LAMB1: variants seen among roughly 807,000 people sequenced by gnomAD.
LAMB1 encodes laminin subunit beta-1.
Under a neutral mutation model 222.3 loss-of-function variants are expected in LAMB1, and 121 were observed. The observed-to-expected ratio is 0.54, with a 90% confidence interval of 0.47 to 0.63. LAMB1 has a LOEUF of 0.63. LAMB1 is among the 30% of genes least tolerant of loss of function. The pLI is 0.00. For synonymous variants in LAMB1, 794 were observed against 807.2 expected (o/e 0.98, Z 0.28); for missense variants, 2,172 against 2,240.8 (o/e 0.97, Z 0.62).
intron 32 of LAMB1, among the ~76,000 whole-genome samples, chr7:107,925,290 G>GGGCAGGCAAGTA (rs2032534056): frequency 6.6e-6 from 1 of 152,118 alleles, no homozygotes; most frequent in Non-Finnish European, 1.5e-5. Context: ...GGAACTGGGT[G>GGGCAGGCAAGTA]GGCAGGCAAG....
In LAMB1 at chr7:107,932,387, G is replaced by A; in HGVS notation, c.4189-10C>T. On this transcript the variant is annotated splice_polypyrimidine_tract_variant and intron_variant, in intron 27 of 33. Transcript: ENST00000222399. ...GGGGTGTTCCACAGGTCTGCAACAAGCCAAGGATCAGGCACAATACTTCGG... is the reference window on the plus strand; with the variant it reads ...GGGGTGTTCCACAGGTCTGCAACAAACCAAGGATCAGGCACAATACTTCGG... The A allele has an allele frequency of 6.2e-7, 1 of 1,613,898 alleles. No individual in the cohort carries two copies. Among genetic ancestry groups the A allele is most frequent in the Non-Finnish European group, 8.5e-7 (1 of 1,179,758 alleles).
chr7:107,960,382 T>C, intron 18 of LAMB1, 63 bp downstream of exon 18: 1 of 1,307,016 alleles, frequency 7.7e-7, no homozygotes, highest in Non-Finnish European at 1.1e-6. Flanking sequence ...CCACTGTACT[T>C]CATGTGCCAG....
chr7:107,929,329 G>C (rs1390440954), intron 30 of LAMB1, 83 bp downstream of exon 30: 2 of 1,503,346 alleles, frequency 1.3e-6, no homozygotes, highest in African/African-American at 2.8e-5. Context: ...GTCCTTCTTA[G>C]AAGTTTCATT....
At chr7:107,948,503 G>T (rs746979501) in intron 24 of LAMB1, among the ~76,000 whole-genome samples, 10 of 152,158 alleles carry the variant, frequency 6.6e-5, no homozygotes, top group Admixed American at 1.3e-4. Context: ...TTTCACTTAT[G>T]CTCACTTGGA....
intron 3 of LAMB1, among the ~76,000 whole-genome samples, chr7:108,001,143 C>G (rs1043285204): frequency 2.0e-5 from 3 of 152,104 alleles, no homozygotes; most frequent in African/African-American, 7.2e-5. Flanking sequence ...CCTTGCAAGA[C>G]GCCTGTCATT....
intron 22 of LAMB1, 22 bp from the exon 23 acceptor site, chr7:107,952,245 A>G (rs1221206464): frequency 3.9e-6 from 6 of 1,550,178 alleles, no homozygotes; most frequent in Non-Finnish European, 5.3e-6. Flanking sequence ...CATCACATTT[A>G]CTTATTGTCA....
At chr7:107,948,783 T>G (rs1489903288) in intron 24 of LAMB1, among the ~76,000 whole-genome samples, 1 of 152,178 alleles carries the variant, frequency 6.6e-6, no homozygotes, top group African/African-American at 2.4e-5. Flanking sequence ...CTATGGGACC[T>G]CTTCATCTGT....
intron 24 of LAMB1, among the ~76,000 whole-genome samples, chr7:107,949,132 CAG>C (rs1435743543): frequency 6.6e-6 from 1 of 152,206 alleles, no homozygotes; most frequent in East Asian, 1.9e-4. Context: ...TCACTCTTTG[CAG>C]AGTTTCTAAA....
intron 5 of LAMB1, among the ~76,000 whole-genome samples, chr7:107,989,581 A>G (rs2034142628): frequency 6.6e-6 from 1 of 152,218 alleles, no homozygotes; most frequent in South Asian, 2.1e-4. Flanking sequence ...ACCCAGGAAT[A>G]TAAGAAAATG....
Position 107,960,466 on chromosome 7 carries a change from G to A in LAMB1, c.2293C>T (p.Leu765=). The A allele has an allele frequency of 1.2e-6, 2 of 1,614,014 alleles. No homozygotes were observed. The highest frequency in any genetic ancestry group is 1.3e-5 in the African/African-American group (1 of 75,032). ...CTACCCAGGCCTGTCTGGTGTAACAGGGCAGAAATGCTAAAGATGATGTTT... is the reference window on the plus strand; with the variant it reads ...CTACCCAGGCCTGTCTGGTGTAACAAGGCAGAAATGCTAAAGATGATGTTT... ...CRNIIFSISA[L]LHQTGLACEC... The change falls in exon 18 of 34, where the codon CTG becomes TTG. Residue 765 remains leucine (L), a synonymous_variant. Coordinates refer to ENST00000222399, the MANE Select transcript of LAMB1 (RefSeq NM_002291.3).
At chr7:107,939,376 G>A (rs899719746) in intron 25 of LAMB1, among the ~76,000 whole-genome samples, 1 of 152,132 alleles carries the variant, frequency 6.6e-6, no homozygotes, top group Non-Finnish European at 1.5e-5. Flanking sequence ...TTTCAGCATA[G>A]AGCAGCTGTT....
At chr7:107,979,574 C>A (rs988657170) in intron 8 of LAMB1, among the ~76,000 whole-genome samples, 2 of 152,160 alleles carry the variant, frequency 1.3e-5, no homozygotes, top group African/African-American at 4.8e-5. Flanking sequence ...TTAAAATCCT[C>A]TAGGTCTGTA....
rs759130532 is a variant in LAMB1 at position 107,951,239 on chromosome 7, G to A, written c.3378C>T (p.Asp1126=). 5.0e-6 allele frequency: 8 copies of A among 1,613,880 alleles called. No homozygotes were observed. Among genetic ancestry groups the A allele is most frequent in the Admixed American group, 1.7e-5 (1 of 60,006 alleles). Residue 1126 remains aspartate (D), a synonymous_variant, in exon 24 of 34, where the codon GAC becomes GAT. Coordinates refer to ENST00000222399, the MANE Select transcript of LAMB1 (RefSeq NM_002291.3). ...CCCACAACTCACCTCGGCACTCCAC[G>A]TCGGGGTCTCCCCAGAAGAGTTCCT... is the stretch of plus-strand genomic sequence containing the variant. ...ECQELFWGDP[D]VECRACDCDP...
At chr7:107,954,941 T>C (rs1339127038) in intron 21 of LAMB1, among the ~76,000 whole-genome samples, 1 of 151,772 alleles carries the variant, frequency 6.6e-6, no homozygotes, top group Non-Finnish European at 1.5e-5. Context: ...CATATAAACA[T>C]AATCAGTATT....
intron 13 of LAMB1, among the ~76,000 whole-genome samples, chr7:107,970,419 C>T (rs1235380998): frequency 7.8e-6 from 1 of 127,406 alleles, no homozygotes; most frequent in Non-Finnish European, 1.6e-5. Flanking sequence ...ACCCAGGAGG[C>T]GGAGGTTGCA....
chr7:107,995,834 G>A lies in LAMB1; in HGVS notation c.350-874C>T, dbSNP rs150188200. 3.3e-5 allele frequency among the ~76,000 whole-genome samples: 5 copies of A among 152,200 alleles called. No homozygotes were observed. The South Asian group carries it at 8.3e-4, about 25-fold the overall frequency. On this transcript the variant is annotated intron_variant, in intron 4 of 33. Transcript: ENST00000222399. Reference sequence around the variant, plus strand: ...TGAGAGCAAAAGAAGTCTTAAATGCGGAAAGACAGGAATGTGTCAGAATGA... The same window carrying A: ...TGAGAGCAAAAGAAGTCTTAAATGCAGAAAGACAGGAATGTGTCAGAATGA...
chr7:107,931,348 T>A lies in LAMB1; in HGVS notation c.4537+8A>T, dbSNP rs768470238. On this transcript the variant is annotated splice_region_variant and intron_variant, in intron 29 of 33. Transcript: ENST00000222399. ...AATGTCTAAAAGTAAAATGAAAAAA[T>A]TTCTTACGGGTCAAAAAGTTTCTGA... The A allele has an allele frequency of 1.2e-6, 2 of 1,606,368 alleles. No homozygotes were observed. Among genetic ancestry groups the A allele is most frequent in the Non-Finnish European group, 1.7e-6 (2 of 1,176,594 alleles).
At chr7:107,938,460 G>A (rs116175215) in intron 25 of LAMB1, among the ~76,000 whole-genome samples, 1,520 of 151,960 alleles carry the variant, frequency 0.01, 13 homozygotes, top group African/African-American at 0.014. Flanking sequence ...TTTAAAATAA[G>A]GCCACTTTGG....
intron 16 of LAMB1, 108 bp from the exon 17 acceptor site, chr7:107,961,437 T>G: frequency 1.3e-6 from 2 of 1,570,922 alleles, no homozygotes; most frequent in South Asian, 1.2e-5. Flanking sequence ...AGGAAAAAAG[T>G]CAGCAGTCAA....
Sources: allele counts gnomAD v4.1 joint callset (sites outside exome capture counted in the v4.1 genomes callset), GRCh38; gene constraint gnomAD v4.1.1; transcripts MANE v1.5; gene names NCBI Gene and HGNC (gene_info 2026-07-23, HGNC 2026-07-21).